The following ACAD8 variants were observed in gnomAD, a reference collection of about 807,000 sequenced individuals.
ACAD8 encodes isobutyryl-CoA dehydrogenase, mitochondrial.
A neutral mutation model predicts 53.1 loss-of-function variants in ACAD8; 47 were observed. That is an observed-to-expected ratio of 0.89 (90% CI 0.70 to 1.13). The LOEUF is 1.13. Ranked by LOEUF, ACAD8 falls within the 50% of genes most tolerant of loss-of-function variation. The pLI, the probability that ACAD8 is intolerant of heterozygous loss-of-function variation, is 0.00. For synonymous variants in ACAD8, 198 were observed against 201.3 expected, an observed-to-expected ratio of 0.98 and a Z score of 0.14; for missense variants, 494 against 535.0, an observed-to-expected ratio of 0.92 and a Z score of 0.76.
intron 1 of ACAD8, among the ~76,000 whole-genome samples, chr11:134,255,814 C>T (rs1939495399): frequency 6.6e-6 from 1 of 152,228 alleles, no homozygotes; most frequent in Non-Finnish European, 1.5e-5. Context: ...GGCACCTGCC[C>T]TTGTGTTCTT....
chr11:134,259,350 A>T (rs568277085), intron 5 of ACAD8: 1 of 663,390 alleles, frequency 1.5e-6, no homozygotes, highest in Non-Finnish European at 2.7e-6. Context: ...GCGACCTTTT[A>T]CCTCACCTCA....
chr11:134,264,957 G>A lies in ACAD8; in HGVS notation c.1245G>A (p.Glu415=), dbSNP rs746876495. ...RILISRSLLQ[E] is the part of the protein sequence containing the mutation. ...TGATCTCTAGAAGCCTGCTTCAGGAGTAGAACCCACACTTGTTCTGGCCTG... is the reference window on the plus strand; with the variant it reads ...TGATCTCTAGAAGCCTGCTTCAGGAATAGAACCCACACTTGTTCTGGCCTG... The change falls in exon 11 of 11, where the codon GAG becomes GAA. Residue 415 remains glutamate (E), a synonymous_variant. Coordinates refer to ENST00000281182, the MANE Select transcript of ACAD8 (RefSeq NM_014384.3). 6.2e-7 allele frequency: 1 copy of A among 1,614,160 alleles called. No individual in the cohort carries two copies. Among genetic ancestry groups the A allele is most frequent in the East Asian group, 2.2e-5 (1 of 44,884 alleles).
intron 1 of ACAD8, among the ~76,000 whole-genome samples, chr11:134,255,019 C>G (rs1022109352): frequency 5.9e-5 from 9 of 152,180 alleles, no homozygotes; most frequent in Non-Finnish European, 1.2e-4. Flanking sequence ...ATTTCTTAAG[C>G]CTGTGGTTCC....
At chr11:134,257,057 T>A (rs1396255459) in intron 2 of ACAD8, 31 bp from the exon 3 acceptor site, 21 of 1,613,956 alleles carry the variant, frequency 1.3e-5, no homozygotes, top group Non-Finnish European at 1.8e-5. Context: ...CTGAATCAGC[T>A]GCTGATCACC....
chr11:134,264,508 T>G (rs1940079282), intron 10 of ACAD8, among the ~76,000 whole-genome samples: 1 of 151,180 alleles, frequency 6.6e-6, no homozygotes, highest in South Asian at 2.1e-4. Flanking sequence ...ACAGCAAGAC[T>G]GTCTCAAAAG....
rs566149721 is a variant in ACAD8 at position 134,260,795 on chromosome 11, G to A, written c.706-249G>A. The stretch of plus-strand genomic sequence containing the variant: ...CTAAAAGAAGTTGTGAGAAGTGTTT[G>A]TAGGTTAGTCAGGTAGAGTAGACAT... On this transcript the variant is annotated intron_variant, in intron 6 of 10. Transcript: ENST00000281182. 1.1e-3 allele frequency: 560 copies of A among 531,470 alleles called. 4 individuals are homozygous for A. Among genetic ancestry groups the A allele is most frequent in the Middle Eastern group, 2.6e-3 (5 of 1,924 alleles). 32.9% of individuals were successfully genotyped at this position (531,470 alleles called of 1,614,324 possible).
In ACAD8 at chr11:134,262,601, AG is replaced by A; in HGVS notation, c.1177del (p.Val393SerfsTer5). On this transcript the variant is annotated frameshift_variant, in exon 10 of 11. Coordinates refer to ENST00000281182, the MANE Select transcript of ACAD8 (RefSeq NM_014384.3). LOFTEE classifies it high-confidence loss of function. The part of the protein sequence containing the change: ...YAVQQYVRDS[R>X]VHQILEGSNE... ...TGTTCAGCAGTACGTGCGGGACTCCAGGGTCCACCAGATTCTAGAAGGTAAA... is the reference window on the plus strand; with the variant it reads ...TGTTCAGCAGTACGTGCGGGACTCCAGGTCCACCAGATTCTAGAAGGTAAA... The A allele has an allele frequency of 6.2e-7, 1 of 1,613,868 alleles. No homozygotes were observed.
intron 6 of ACAD8, chr11:134,260,167 T>G: frequency 2.6e-6 from 3 of 1,143,460 alleles, no homozygotes; most frequent in Non-Finnish European, 3.3e-6. Flanking sequence ...TCATTGGAGA[T>G]GATTGTGGGT....
At position 134,261,913 on chromosome 11, in the gene ACAD8, C is replaced by T. The variant is rs574148552; in HGVS notation, c.1092+23C>T. ...GCCGTAAGTGATTCCTCTGGCTCTC[C>T]TGGGATGGACAGGGAACAGCTGCTA... On this transcript the variant is annotated intron_variant, in intron 9 of 10. Transcript: ENST00000281182. The surrounding 1 kb of genome is among the most constrained non-coding windows in gnomAD (Gnocchi z 4.2). The T allele has an allele frequency of 9.9e-6, 16 of 1,612,792 alleles. No homozygotes were observed. Among genetic ancestry groups the T allele is most frequent in the Non-Finnish European group, 1.4e-5 (16 of 1,179,966 alleles).
At chr11:134,263,476 A>G in intron 10 of ACAD8, 1 of 983,838 alleles carries the variant, frequency 1.0e-6, no homozygotes, top group South Asian at 4.7e-5. Context: ...TCTTCAAGTG[A>G]GGCTGCCACA....
At chr11:134,256,885 TAATAAA>T (rs1252349262) in intron 2 of ACAD8, 197 bp from the exon 3 acceptor site, 9 of 669,448 alleles carry the variant, frequency 1.3e-5, no homozygotes, top group Non-Finnish European at 2.3e-5. Flanking sequence ...GTTCTATAGA[TAATAAA>T]AAGAAACTTC....
Position 134,265,725 on chromosome 11 carries a change from A to C in ACAD8, c.*765A>C, listed in dbSNP as rs1305467507. 2 of 152,132 alleles carry C rather than the reference A, an allele frequency of 1.3e-5. No homozygotes were observed. Among genetic ancestry groups the C allele is most frequent in the African/African-American group, 2.4e-5 (1 of 41,398 alleles). The allele number at this position is 152,132 out of a possible 1,614,324, so 9.4% of individuals were successfully genotyped here. ...CTTTTAAATATTTTTAATCACATTG[A>C]TAAAATCTATCCTTCACCACCTCTG... On this transcript the variant is annotated 3_prime_UTR_variant, in exon 11 of 11. Transcript: ENST00000281182.
Position 134,265,225 on chromosome 11 carries a change from G to A in ACAD8, c.*265G>A. 1.9e-6 allele frequency: 1 copy of A among 537,882 alleles called. No individual in the cohort carries two copies. Among genetic ancestry groups the A allele is most frequent in the South Asian group, 2.6e-5 (1 of 38,058 alleles). The allele number at this position is 537,882 out of a possible 1,614,324, so 33.3% of individuals were successfully genotyped here. Reference sequence around the variant, plus strand: ...TTTCCTAATGCCAGAAGGGTGACCAGTGAAGATTCACCGTCAAACCATGAA... The same window carrying A: ...TTTCCTAATGCCAGAAGGGTGACCAATGAAGATTCACCGTCAAACCATGAA... On this transcript the variant is annotated 3_prime_UTR_variant, in exon 11 of 11. Transcript: ENST00000281182.
At chr11:134,256,511 C>T (rs1243906776) in intron 1 of ACAD8, 37 bp from the exon 2 acceptor site, 1 of 1,567,350 alleles carries the variant, frequency 6.4e-7, no homozygotes, top group South Asian at 1.1e-5. Context: ...GCAACACTGA[C>T]CCTGTCCTAG....
At chr11:134,263,731 C>T in intron 10 of ACAD8, 1 of 985,414 alleles carries the variant, frequency 1.0e-6, no homozygotes, top group Non-Finnish European at 1.2e-6. Flanking sequence ...TCTCTCTCCA[C>T]CCTGCAATAA....
At position 134,257,224 on chromosome 11, in the gene ACAD8, G is replaced by A. The variant is rs1939587664; in HGVS notation, c.347G>A (p.Cys116Tyr). The change falls in exon 3 of 11, where the codon TGC (cysteine) becomes TAC (tyrosine). Residue 116 changes from cysteine to tyrosine, a missense_variant. Physicochemically the swap from Cys to Tyr is radical, Grantham distance 194. Coordinates refer to ENST00000281182, the MANE Select transcript of ACAD8 (RefSeq NM_014384.3). ...SVIFEALATGCTSTTAYISIH... is the reference protein window; with the variant it reads ...SVIFEALATGYTSTTAYISIH... ...ATTTTTGAAGCCTTGGCTACAGGCT[G>A]CACCAGCACCACAGCCTATATAAGC... 1 of 1,614,064 alleles carries A rather than the reference G, an allele frequency of 6.2e-7. No homozygotes were observed. The highest frequency in any genetic ancestry group is 8.5e-7 in the Non-Finnish European group (1 of 1,180,042).
intron 10 of ACAD8, among the ~76,000 whole-genome samples, chr11:134,264,521 A>G (rs1016140689): frequency 1.4e-5 from 2 of 139,288 alleles, no homozygotes; most frequent in African/African-American, 6.8e-5. Context: ...CTCAAAAGAA[A>G]AGTAAAAGAA....
chr11:134,262,835 G>T, intron 10 of ACAD8: 1 of 1,442,012 alleles, frequency 6.9e-7, no homozygotes, highest in Non-Finnish European at 9.2e-7. Flanking sequence ...GCCTCAGATC[G>T]CTCTGCTGCT....
intron 10 of ACAD8, chr11:134,263,340 C>A: frequency 1.0e-6 from 1 of 990,502 alleles, no homozygotes; most frequent in East Asian, 1.1e-4. Flanking sequence ...TCACAGCACC[C>A]TTCTCAAACC....
Sources: allele counts gnomAD v4.1 joint callset (sites outside exome capture counted in the v4.1 genomes callset), GRCh38; gene constraint gnomAD v4.1.1; non-coding constraint Gnocchi (gnomAD v3.1); transcripts MANE v1.5; gene names NCBI Gene and HGNC (gene_info 2026-07-23, HGNC 2026-07-21).